The following ADAMTS6 variants were observed in gnomAD, a reference collection of about 807,000 sequenced individuals.
ADAMTS6 encodes ADAM metallopeptidase with thrombospondin type 1 motif 6.
ADAMTS6 carries 23 observed loss-of-function variants against 144.3 expected under a neutral mutation model. That is an observed-to-expected ratio of 0.16 (90% CI 0.11 to 0.23). The LOEUF (loss-of-function observed/expected upper bound fraction) is 0.23, where lower values mean the gene tolerates loss of function less well. Ranked by LOEUF, ADAMTS6 falls within the 10% of genes least tolerant of loss-of-function variation. ADAMTS6 has a pLI of 1.00. For missense variants in ADAMTS6, 999 were observed against 1,379.6 expected, an observed-to-expected ratio of 0.72 and a Z score of 4.37; for synonymous variants, 444 against 457.5, an observed-to-expected ratio of 0.97 and a Z score of 0.38.
chr5:65,403,085 C>T (rs1194314178), intron 7 of ADAMTS6, among the ~76,000 whole-genome samples: 1 of 152,054 alleles, frequency 6.6e-6, no homozygotes, highest in African/African-American at 2.4e-5. Context: ...TTTAAGGCCT[C>T]ATTTTACTCA....
intron 11 of ADAMTS6, among the ~76,000 whole-genome samples, chr5:65,280,645 T>C (rs1762918359): frequency 6.6e-6 from 1 of 152,234 alleles, no homozygotes; most frequent in Admixed American, 6.5e-5. Context: ...CCTATGTCCT[T>C]TCTGATCACA....
At chr5:65,170,501 A>C (rs2112069468) in intron 24 of ADAMTS6, 116 bp downstream of exon 24, 1 of 1,203,400 alleles carries the variant, frequency 8.3e-7, no homozygotes, top group South Asian at 1.9e-5. Context: ...AGCAGCTTTC[A>C]CAAATGCTCT....
At position 65,225,055 on chromosome 5, in the gene ADAMTS6, C is replaced by G. The variant is rs1561298976; in HGVS notation, c.2068-8G>C. The stretch of plus-strand genomic sequence containing the variant: ...ATTATCACAGCCTACGTGCTGAAAA[C>G]AGAGAGGAATATTCAGTGTGTCAAG... On this transcript the variant is annotated splice_region_variant and splice_polypyrimidine_tract_variant and intron_variant, in intron 16 of 24. Coordinates refer to ENST00000381055, the MANE Select transcript of ADAMTS6 (RefSeq NM_197941.4). 2 of 1,612,402 alleles carry G rather than the reference C, an allele frequency of 1.2e-6. No homozygotes were observed. The highest frequency in any genetic ancestry group is 1.3e-5 in the African/African-American group (1 of 74,838).
chr5:65,466,933 T>C (rs896284662), intron 3 of ADAMTS6, among the ~76,000 whole-genome samples: 3 of 151,224 alleles, frequency 2.0e-5, no homozygotes, highest in African/African-American at 4.9e-5. Context: ...TCCCAGCTAC[T>C]CGGGAGGCTG....
chr5:65,188,230 G>T lies in ADAMTS6; in HGVS notation c.2706-10C>A, dbSNP rs777670653. The T allele has an allele frequency of 5.6e-6, 9 of 1,612,440 alleles. No homozygotes were observed. In the Admixed American group the frequency reaches 1.2e-4, roughly 21 times the overall value. On this transcript the variant is annotated splice_polypyrimidine_tract_variant and intron_variant, in intron 21 of 24. Transcript: ENST00000381055. ...ATCCCCAATGAACCACCTGCAGCAA[G>T]ACATGGAAGAAACACAGAAAAGCAT...
chr5:65,209,623 T>C (rs1580062777), intron 20 of ADAMTS6, among the ~76,000 whole-genome samples: 1 of 152,182 alleles, frequency 6.6e-6, no homozygotes, highest in Admixed American at 6.5e-5. Flanking sequence ...AAAGATCTCA[T>C]AAGAGAAAGC....
At chr5:65,207,314 T>C (rs1329246298) in intron 20 of ADAMTS6, among the ~76,000 whole-genome samples, 2 of 152,096 alleles carry the variant, frequency 1.3e-5, no homozygotes, top group East Asian at 1.9e-4. Flanking sequence ...GGAGTGTCAA[T>C]AGAGCCAATG....
Position 65,149,371 on chromosome 5 carries a change from C to T in ADAMTS6, c.*2465G>A, listed in dbSNP as rs1390685353. On this transcript the variant is annotated 3_prime_UTR_variant, in exon 25 of 25. Transcript: ENST00000381055. ...TATGAAATAGAATTGTTTTAACCTA[C>T]TCAGGTTTCAATTCAAGGCTTACTT... The T allele has an allele frequency of 6.6e-6, 1 of 152,232 alleles. No individual in the cohort carries two copies. Among genetic ancestry groups the T allele is most frequent in the Non-Finnish European group, 1.5e-5 (1 of 68,044 alleles). 9.4% of individuals were successfully genotyped at this position (152,232 alleles called of 1,614,324 possible).
At chr5:65,379,987 T>C (rs1021948123) in intron 7 of ADAMTS6, among the ~76,000 whole-genome samples, 2 of 152,126 alleles carry the variant, frequency 1.3e-5, no homozygotes, top group African/African-American at 4.8e-5. Flanking sequence ...CTGGAGTCAG[T>C]TCTTACTGAC....
intron 3 of ADAMTS6, among the ~76,000 whole-genome samples, chr5:65,466,995 T>C (rs979025314): frequency 1.1e-4 from 16 of 150,758 alleles, no homozygotes; most frequent in African/African-American, 3.9e-4. Context: ...TGAGCCAAGA[T>C]TGCGCCACTG....
chr5:65,330,029 T>A (rs1046660359), intron 8 of ADAMTS6, among the ~76,000 whole-genome samples: 5 of 152,126 alleles, frequency 3.3e-5, no homozygotes, highest in South Asian at 2.1e-4. Context: ...GCATTTTTTT[T>A]AATCTCAAAT....
At chr5:65,436,047 C>T (rs184973859) in intron 7 of ADAMTS6, among the ~76,000 whole-genome samples, 1 of 152,218 alleles carries the variant, frequency 6.6e-6, no homozygotes, top group Admixed American at 6.5e-5. Flanking sequence ...TTATTTAAAA[C>T]ATTTTTGCAA....
intron 7 of ADAMTS6, among the ~76,000 whole-genome samples, chr5:65,440,742 C>G: frequency 6.6e-6 from 1 of 152,150 alleles, no homozygotes; most frequent in Admixed American, 6.6e-5. Context: ...CCCAGACCAA[C>G]TGGAAAACCA....
intron 22 of ADAMTS6, among the ~76,000 whole-genome samples, chr5:65,184,323 G>T (rs1026132002): frequency 1.3e-5 from 2 of 152,202 alleles, no homozygotes; most frequent in Admixed American, 1.3e-4. Flanking sequence ...GTTCTCCCTG[G>T]AGAGATGGGT....
At chr5:65,302,107 A>AAAT (rs1385159906) in intron 9 of ADAMTS6, among the ~76,000 whole-genome samples, 343 of 34,074 alleles carry the variant, frequency 0.01, 5 homozygotes, top group Middle Eastern at 0.03. Flanking sequence ...AAAAAAAAAA[A>AAAT]ATATATATAT....
chr5:65,193,055 G>C (rs764913380), intron 21 of ADAMTS6, among the ~76,000 whole-genome samples: 1 of 151,878 alleles, frequency 6.6e-6, no homozygotes, highest in Non-Finnish European at 1.5e-5. Flanking sequence ...AATCGTGATT[G>C]AAAATAAGTA....
chr5:65,460,197 A>G lies in ADAMTS6; in HGVS notation c.604T>C (p.Tyr202His). Residue 202 changes from tyrosine (Y) to histidine (H), a missense_variant, in exon 4 of 25, where the codon TAT becomes CAT. Physicochemically the swap from Tyr to His is moderately conservative, Grantham distance 83 (BLOSUM62 2). Transcript: ENST00000381055. ...GAAACCCCACAATGAGAGTGATCATACAGATGTCGTTGTTGAAGGGCAGAC... is the reference window on the plus strand; with the variant it reads ...GAAACCCCACAATGAGAGTGATCATGCAGATGTCGTTGTTGAAGGGCAGAC... ...KKSALQQRHL[Y>H]DHSHCGVSDF... The G allele has an allele frequency of 6.2e-7, 1 of 1,614,082 alleles. No individual in the cohort carries two copies. Among genetic ancestry groups the G allele is most frequent in the Non-Finnish European group, 8.5e-7 (1 of 1,179,972 alleles).
At chr5:65,305,132 C>A (rs928586274) in intron 9 of ADAMTS6, among the ~76,000 whole-genome samples, 1 of 152,028 alleles carries the variant, frequency 6.6e-6, no homozygotes, top group African/African-American at 2.4e-5. Flanking sequence ...TCAAAGAGAT[C>A]AGAAAAATAT....
At chr5:65,316,396 TA>T (rs1745001697) in intron 9 of ADAMTS6, among the ~76,000 whole-genome samples, 5 of 152,076 alleles carry the variant, frequency 3.3e-5, no homozygotes, top group Admixed American at 3.3e-4. Flanking sequence ...ATTTTTAAAA[TA>T]TTCAATTAAT....
Sources: allele counts gnomAD v4.1 joint callset (sites outside exome capture counted in the v4.1 genomes callset), GRCh38; gene constraint gnomAD v4.1.1; transcripts MANE v1.5; gene names NCBI Gene and HGNC (gene_info 2026-07-23, HGNC 2026-07-21).